Variants in ATRNL1 observed in about 807,000 individuals in gnomAD.
ATRNL1 encodes attractin-like protein 1.
ATRNL1 carries 95 observed loss-of-function variants against 182.7 expected under a neutral mutation model. The observed-to-expected ratio is 0.52, with a 90% CI of 0.44 to 0.62. The LOEUF (loss-of-function observed/expected upper bound fraction) is 0.62, where lower values mean the gene tolerates loss of function less well. Ranked by LOEUF, ATRNL1 falls within the 20% of genes least tolerant of loss-of-function variation. The probability of loss-of-function intolerance (pLI) is 0.00; values close to 1 mark genes in which losing one functional copy is unlikely to be tolerated. For synonymous variants in ATRNL1, 576 were observed against 568.3 expected (o/e 1.01, Z -0.19); for missense variants, 1,471 against 1,679.5 (o/e 0.88, Z 2.17).
intron 24 of ATRNL1, among the ~76,000 whole-genome samples, chr10:115,500,968 G>A (rs1369329638): frequency 1.4e-4 from 15 of 110,538 alleles, no homozygotes; most frequent in Non-Finnish European, 2.0e-4. Context: ...CGTTCTTGTC[G>A]CCCAGGCTGG....
chr10:115,448,854 C>CCAACAACAACAACAACAACAACAA (rs3981286), intron 21 of ATRNL1, among the ~76,000 whole-genome samples: 1 of 150,104 alleles, frequency 6.7e-6, no homozygotes, highest in Admixed American at 6.6e-5. Flanking sequence ...AGCGTGCCAA[C>CCAACAACAACAACAACAACAACAA]CAACAACAAC....
intron 19 of ATRNL1, among the ~76,000 whole-genome samples, chr10:115,391,188 T>A (rs1365203491): frequency 6.6e-6 from 1 of 152,208 alleles, no homozygotes; most frequent in Non-Finnish European, 1.5e-5. Context: ...GCTAGAACTT[T>A]TAGTACTACA....
intron 27 of ATRNL1, among the ~76,000 whole-genome samples, chr10:115,794,059 T>C (rs1429269812): frequency 6.6e-6 from 1 of 152,160 alleles, no homozygotes; most frequent in African/African-American, 2.4e-5. Flanking sequence ...GTTGAACAAG[T>C]AGACAAGTGT....
chr10:115,923,501 A>G (rs1283188926), intron 28 of ATRNL1, among the ~76,000 whole-genome samples: 1 of 152,040 alleles, frequency 6.6e-6, no homozygotes, highest in African/African-American at 2.4e-5. Context: ...GGGTGGGAAC[A>G]TGTGTCGTTT....
intron 1 of ATRNL1, among the ~76,000 whole-genome samples, chr10:115,100,783 G>A (rs782748472): frequency 1.5e-4 from 23 of 152,126 alleles, no homozygotes; most frequent in Non-Finnish European, 2.8e-4. Flanking sequence ...AAGCCTACTA[G>A]GATTTTGTTT....
chr10:115,535,016 C>T (rs1457656757), intron 25 of ATRNL1, among the ~76,000 whole-genome samples: 3 of 152,052 alleles, frequency 2.0e-5, no homozygotes, highest in African/African-American at 7.2e-5. Flanking sequence ...GGTAACCCGA[C>T]CTTTCTCTCT....
At chr10:115,757,101 A>G (rs529435851) in intron 27 of ATRNL1, among the ~76,000 whole-genome samples, 1 of 152,114 alleles carries the variant, frequency 6.6e-6, no homozygotes, top group Non-Finnish European at 1.5e-5. Context: ...ATGGGTCTTG[A>G]CTGTTTATCC....
intron 21 of ATRNL1, among the ~76,000 whole-genome samples, chr10:115,455,569 G>C (rs1291369657): frequency 6.6e-6 from 1 of 152,046 alleles, no homozygotes; most frequent in East Asian, 1.9e-4. Flanking sequence ...CAGGACATAG[G>C]CATGGGCAAC....
chr10:115,193,246 C>A (rs558835398), intron 8 of ATRNL1, among the ~76,000 whole-genome samples: 2 of 152,014 alleles, frequency 1.3e-5, no homozygotes, highest in Admixed American at 1.3e-4. Flanking sequence ...CTTCTGTACC[C>A]AGTTTTTTAG....
intron 19 of ATRNL1, among the ~76,000 whole-genome samples, chr10:115,366,560 T>G (rs1402781210): frequency 2.6e-5 from 4 of 151,564 alleles, no homozygotes; most frequent in Non-Finnish European, 4.4e-5. Context: ...ATCCTGTCAT[T>G]ATGATGTTAG....
intron 3 of ATRNL1, 37 bp from the exon 4 acceptor site, chr10:115,127,556 A>T (rs1845027108): frequency 1.3e-6 from 2 of 1,553,714 alleles, no homozygotes; most frequent in African/African-American, 2.8e-5. Flanking sequence ...TCTTATGTAT[A>T]TCTATACATA....
chr10:115,432,971 C>A (rs1846238851), intron 21 of ATRNL1, among the ~76,000 whole-genome samples: 1 of 151,990 alleles, frequency 6.6e-6, no homozygotes, highest in African/African-American at 2.4e-5. Context: ...CAGTCATTTA[C>A]TTTATTTCAC....
At chr10:115,702,322 G>A (rs1327786519) in intron 26 of ATRNL1, among the ~76,000 whole-genome samples, 2 of 151,856 alleles carry the variant, frequency 1.3e-5, no homozygotes, top group African/African-American at 4.8e-5. Flanking sequence ...ATACTGAATG[G>A]GCAAAAGCTG....
At chr10:115,808,951 G>A (rs1949983914) in intron 27 of ATRNL1, among the ~76,000 whole-genome samples, 1 of 151,954 alleles carries the variant, frequency 6.6e-6, no homozygotes, top group Non-Finnish European at 1.5e-5. Context: ...CTTCCTTCTA[G>A]GAGTTTTATT....
intron 13 of ATRNL1, among the ~76,000 whole-genome samples, chr10:115,279,264 CTATTATAATA>C (rs2133919380): frequency 6.6e-6 from 1 of 151,466 alleles, no homozygotes; most frequent in East Asian, 1.9e-4. Context: ...ACTAAGGAGA[CTATTATAATA>C]ATGACTATCA....
chr10:115,247,527 A>T (rs1428677746), intron 10 of ATRNL1, among the ~76,000 whole-genome samples: 1 of 152,228 alleles, frequency 6.6e-6, no homozygotes, highest in Non-Finnish European at 1.5e-5. Context: ...ACAAAAAAAT[A>T]ACAAATGCTG....
chr10:115,280,470 T>C (rs1554916451), intron 13 of ATRNL1, among the ~76,000 whole-genome samples: 2 of 152,206 alleles, frequency 1.3e-5, no homozygotes, highest in African/African-American at 4.8e-5. Flanking sequence ...TTGGGAAAGC[T>C]TTCATGTCTA....
chr10:115,340,835 T>A (rs1035760111), intron 19 of ATRNL1, among the ~76,000 whole-genome samples: 4 of 152,102 alleles, frequency 2.6e-5, no homozygotes, highest in Non-Finnish European at 5.9e-5. Context: ...TAGTAGCCAC[T>A]AGTAATCCTT....
intron 28 of ATRNL1, among the ~76,000 whole-genome samples, chr10:115,891,144 T>A: frequency 6.6e-6 from 1 of 152,234 alleles, no homozygotes; most frequent in East Asian, 1.9e-4. Context: ...TTAAACAGAT[T>A]CTTTTAGTGG....
Sources: allele counts gnomAD v4.1 joint callset (sites outside exome capture counted in the v4.1 genomes callset), GRCh38; gene constraint gnomAD v4.1.1; transcripts MANE v1.5; gene names NCBI Gene and HGNC (gene_info 2026-07-23, HGNC 2026-07-21).